Variants in ZNF611 observed in about 807,000 individuals in gnomAD.
The protein encoded by ZNF611 is zinc finger protein 611.
ZNF611 carries 6 observed loss-of-function variants against 8.9 expected under a neutral mutation model. That is an observed-to-expected ratio of 0.68 (90% confidence interval 0.37 to 1.34). ZNF611 has a LOEUF of 1.34. Among genes scored for constraint, ZNF611 ranks in the 40% most tolerant of loss-of-function variants. The pLI is 0.02. For missense variants in ZNF611, 874 were observed against 841.3 expected (o/e 1.04, Z -0.48); for synonymous variants, 262 against 279.7 (o/e 0.94, Z 0.63).
At chr19:52,727,081 G>C (rs539559533) in intron 3 of ZNF611, among the ~76,000 whole-genome samples, 1 of 152,030 alleles carries the variant, frequency 6.6e-6, no homozygotes, top group East Asian at 2.0e-4. Context: ...GGCCAGGCTG[G>C]TCTAGAACTC....
At chr19:52,725,575 T>C (rs2062386339) in intron 3 of ZNF611, among the ~76,000 whole-genome samples, 1 of 152,010 alleles carries the variant, frequency 6.6e-6, no homozygotes, top group South Asian at 2.1e-4. Context: ...AGGAAGCAAC[T>C]TCCAGACTCT....
In ZNF611 at chr19:52,706,116, T is replaced by C. The variant is rs375641832; in HGVS notation, c.939A>G (p.Lys313=). The part of the protein sequence containing the change: ...TCHRRLHTGV[K]RYNCNECGKI... ...TGCCACACTCATTACAATTGTAACG[T>C]TTTACTCCAGTATGAAGTCTACGAT... Residue 313 remains lysine, a synonymous_variant, in exon 6 of 6, where the codon AAA becomes AAG. Transcript: ENST00000652185. 6.2e-7 allele frequency: 1 copy of C among 1,614,014 alleles called. No individual in the cohort carries two copies. The highest frequency in any genetic ancestry group is 1.6e-4 in the Middle Eastern group (1 of 6,062).
At chr19:52,714,458 C>G (rs913177097) in intron 4 of ZNF611, among the ~76,000 whole-genome samples, 1 of 151,800 alleles carries the variant, frequency 6.6e-6, no homozygotes, top group Non-Finnish European at 1.5e-5. Context: ...GAGGCCAAGG[C>G]GGGCAGATTA....
At position 52,703,187 on chromosome 19, in the gene ZNF611, TA is replaced by T. The variant is rs1163717963; in HGVS notation, c.*1749del. The T allele has an allele frequency of 2.6e-5, 4 of 151,414 alleles. No individual in the cohort carries two copies. The highest frequency in any genetic ancestry group is 6.6e-5 in the Admixed American group (1 of 15,190). 9.4% of individuals were successfully genotyped at this position (151,414 alleles called of 1,614,324 possible). ...TCAAACTGCAAAATAAATAAATAAA[TA>T]AATAAAAAATAAAGAGAGAAATGAA... On this transcript the variant is annotated 3_prime_UTR_variant, in exon 6 of 6. Coordinates refer to ENST00000652185, the MANE Select transcript of ZNF611 (RefSeq NM_001161499.2).
chr19:52,714,671 G>C lies in ZNF611; in HGVS notation c.64-530C>G, dbSNP rs138646754. On this transcript the variant is annotated intron_variant, in intron 4 of 5. Transcript: ENST00000652185. ...CCACTGCCCTCCATCCTGGGCAACAGACTGACACTCCATCTCAAAAAACAA... is the reference window on the plus strand; with the variant it reads ...CCACTGCCCTCCATCCTGGGCAACACACTGACACTCCATCTCAAAAAACAA... 7.6e-3 allele frequency among the ~76,000 whole-genome samples: 874 copies of C among 115,324 alleles called. 15 individuals are homozygous for C. Among genetic ancestry groups the C allele is most frequent in the Middle Eastern group, 0.011 (2 of 176 alleles). The allele number at this position is 115,324 out of a possible 152,430, so 75.7% of individuals were successfully genotyped here.
intron 2 of ZNF611, among the ~76,000 whole-genome samples, chr19:52,729,366 G>A (rs1444676783): frequency 3.3e-5 from 5 of 151,586 alleles, no homozygotes; most frequent in Middle Eastern, 3.4e-3. Flanking sequence ...GGTGGCTTGC[G>A]CCTGCAGTCC....
At chr19:52,727,701 TG>T (rs1017042545) in intron 3 of ZNF611, among the ~76,000 whole-genome samples, 1 of 152,174 alleles carries the variant, frequency 6.6e-6, no homozygotes, top group Non-Finnish European at 1.5e-5. Context: ...ATCAATGTAT[TG>T]GGATTACAGG....
intron 3 of ZNF611, among the ~76,000 whole-genome samples, chr19:52,718,724 A>G: frequency 6.6e-6 from 1 of 152,160 alleles, no homozygotes; most frequent in South Asian, 2.1e-4. Context: ...CTTGAACTCC[A>G]GAGGCGAACT....
chr19:52,723,955 C>T (rs1461432807), intron 3 of ZNF611: 2 of 152,280 alleles, frequency 1.3e-5, no homozygotes, highest in African/African-American at 4.8e-5. Context: ...ACCAGCATGT[C>T]TCACCTACAG....
Position 52,705,469 on chromosome 19 carries a change from TTA to T in ZNF611, c.1584_1585del (p.His528GlnfsTer13), listed in dbSNP as rs1387130080. ...TGGTTTCTCTCCAGTATGACCTATC[TTA>T]TGTGTCTCAAGGCTTGATTTACGAC... On this transcript the variant is annotated frameshift_variant, in exon 6 of 6. Coordinates refer to ENST00000652185, the MANE Select transcript of ZNF611 (RefSeq NM_001161499.2). LOFTEE classifies it low-confidence loss of function (END_TRUNC). 2 of 1,614,204 alleles carry T rather than the reference TTA, an allele frequency of 1.2e-6. No individual in the cohort carries two copies. Among genetic ancestry groups the T allele is most frequent in the Non-Finnish European group, 1.7e-6 (2 of 1,180,036 alleles).
intron 3 of ZNF611, 21 bp downstream of exon 3, chr19:52,728,709 G>A (rs1013536640): frequency 2.0e-5 from 3 of 152,640 alleles, no homozygotes; most frequent in Admixed American, 1.3e-4. Flanking sequence ...GTCTGTTTGA[G>A]ATAGGGTGTA....
intron 5 of ZNF611, among the ~76,000 whole-genome samples, chr19:52,709,504 C>T (rs1363941422): frequency 6.6e-6 from 1 of 152,128 alleles, no homozygotes; most frequent in African/African-American, 2.4e-5. Context: ...ATCTTTTGAC[C>T]TCATGATCCG....
At position 52,705,438 on chromosome 19, in the gene ZNF611, T is replaced by C. The variant is rs1200097709; in HGVS notation, c.1617A>G (p.Lys539=). The change falls in exon 6 of 6, where the codon AAA becomes AAG. Residue 539 remains lysine, a synonymous_variant. Transcript: ENST00000652185. ...KIGHTGEKPY[K]CKVCDKAFAC... ...CAAAAGCCTTGTCACAAACCTTACA[T>C]TTGTATGGTTTCTCTCCAGTATGAC... 1 of 1,614,170 alleles carries C rather than the reference T, an allele frequency of 6.2e-7. No homozygotes were observed. The highest frequency in any genetic ancestry group is 8.5e-7 in the Non-Finnish European group (1 of 1,180,024).
At chr19:52,719,557 G>C (rs1029789203) in intron 3 of ZNF611, among the ~76,000 whole-genome samples, 1 of 152,142 alleles carries the variant, frequency 6.6e-6, no homozygotes, top group Non-Finnish European at 1.5e-5. Context: ...CTTATAAACA[G>C]AGAAAGCAAC....
At chr19:52,726,580 G>A (rs985323819) in intron 3 of ZNF611, among the ~76,000 whole-genome samples, 1 of 151,840 alleles carries the variant, frequency 6.6e-6, no homozygotes. Flanking sequence ...CACGATGCCC[G>A]GCTACTTTTT....
chr19:52,716,373 C>G (rs1235864313), intron 3 of ZNF611: 1 of 154,796 alleles, frequency 6.5e-6, no homozygotes, highest in African/African-American at 2.4e-5. Flanking sequence ...AATAAGAATC[C>G]CTGCTAAAGT....
At chr19:52,718,321 C>T (rs60881252) in intron 3 of ZNF611, among the ~76,000 whole-genome samples, 8,909 of 151,956 alleles carry the variant, frequency 0.059, 843 homozygotes, top group African/African-American at 0.2. Flanking sequence ...GCCTGGGTGA[C>T]AGAGTCTCAA....
rs777851267 is a variant in ZNF611, at chr19:52,705,299, T to C, written c.1756A>G (p.Arg586Gly). The stretch of plus-strand genomic sequence containing the variant: ...TAAGGTTTCTCACCACTATGAACTC[T>C]ATGATGGCATACAAGGTATGACCTG... ...SHRSYLVCHH[R>G]VHSGEKPYKC... The change falls in exon 6 of 6, where the codon AGA becomes GGA. Residue 586 changes from arginine (R) to glycine (G), a missense_variant. By Grantham distance (125) the Arg-to-Gly change is moderately radical (BLOSUM62 -2). Transcript: ENST00000652185. The C allele has an allele frequency of 3.1e-6, 5 of 1,614,138 alleles. No homozygotes were observed. Among genetic ancestry groups the C allele is most frequent in the Non-Finnish European group, 4.2e-6 (5 of 1,180,024 alleles).
At chr19:52,730,793 A>G (rs1032062690) in intron 1 of ZNF611, among the ~76,000 whole-genome samples, 4 of 151,980 alleles carry the variant, frequency 2.6e-5, no homozygotes, top group African/African-American at 9.7e-5. Context: ...TATTTTGGTC[A>G]GGCTGGTCTC....
Sources: allele counts gnomAD v4.1 joint callset (sites outside exome capture counted in the v4.1 genomes callset), GRCh38; gene constraint gnomAD v4.1.1; transcripts MANE v1.5; gene names NCBI Gene and HGNC (gene_info 2026-07-23, HGNC 2026-07-21).